MEF2C: variants seen among roughly 807,000 people sequenced by gnomAD.
MEF2C encodes myocyte enhancer factor 2C, also known as myocyte-specific enhancer factor 2C.
In MEF2C, 6 loss-of-function variants were observed where a neutral mutation model predicts 50.5. The observed-to-expected ratio is 0.12, with a 90% confidence interval of 0.07 to 0.23. The LOEUF (loss-of-function observed/expected upper bound fraction) is 0.23. Among genes scored for constraint, MEF2C ranks in the 10% least tolerant of loss-of-function variants. MEF2C has a pLI of 1.00. For synonymous variants in MEF2C, 183 were observed against 228.0 expected (o/e 0.80, Z 1.78); for missense variants, 276 against 605.0 (o/e 0.46, Z 5.70).
intron 1 of MEF2C, among the ~76,000 whole-genome samples, chr5:88,892,801 A>G (rs1007555108): frequency 6.6e-6 from 1 of 152,130 alleles, no homozygotes; most frequent in African/African-American, 2.4e-5. Flanking sequence ...GATGACATTG[A>G]TATCTTCAGT....
At chr5:88,881,255 G>A (rs1832732998) in intron 1 of MEF2C, 1 of 152,114 alleles carries the variant, frequency 6.6e-6, no homozygotes, top group South Asian at 2.1e-4. Context: ...AATAGAATGA[G>A]ATATTTGATT....
intron 3 of MEF2C, among the ~76,000 whole-genome samples, chr5:88,791,357 C>A (rs1793659111): frequency 6.6e-6 from 1 of 151,988 alleles, no homozygotes; most frequent in Admixed American, 6.6e-5. Flanking sequence ...ATAATGATGA[C>A]AAAATGGTAA....
chr5:88,814,637 T>C (rs1052392194), intron 2 of MEF2C, among the ~76,000 whole-genome samples: 3 of 152,074 alleles, frequency 2.0e-5, no homozygotes, highest in Non-Finnish European at 4.4e-5. Flanking sequence ...GTGTGGAATT[T>C]AGAACTCTAC....
At position 88,743,609 on chromosome 5, in the gene MEF2C, T is replaced by C. The variant is rs947132073; in HGVS notation, c.637+5461A>G. 10 of 982,180 alleles carry C rather than the reference T, an allele frequency of 1.0e-5. No individual in the cohort carries two copies. In the African/African-American group the frequency reaches 1.7e-4, roughly 17 times the overall value. 60.8% of individuals were successfully genotyped at this position (982,180 alleles called of 1,614,324 possible). On this transcript the variant is annotated intron_variant, in intron 6 of 10. Transcript: ENST00000504921. ...AATGGATTGTAAAAATATTTGTTTC[T>C]TATCTCCAATCTGAGTAAGTACTAA...
At chr5:88,800,070 C>A (rs1039155222) in intron 3 of MEF2C, among the ~76,000 whole-genome samples, 3 of 152,220 alleles carry the variant, frequency 2.0e-5, no homozygotes, top group African/African-American at 7.2e-5. Context: ...CCCTTCCACA[C>A]TTAATCACTG....
At chr5:88,789,560 CTAAA>C (rs1464176830) in intron 3 of MEF2C, among the ~76,000 whole-genome samples, 8 of 151,964 alleles carry the variant, frequency 5.3e-5, no homozygotes, top group African/African-American at 2.4e-5. Context: ...AACAGTAGCT[CTAAA>C]TAGTTATTCA....
chr5:88,789,719 C>T (rs1008406933), intron 3 of MEF2C, among the ~76,000 whole-genome samples: 1 of 151,954 alleles, frequency 6.6e-6, no homozygotes, highest in Non-Finnish European at 1.5e-5. Context: ...TAACTTCTTC[C>T]AGGTGGTTAA....
rs147386107 is a variant in MEF2C, at chr5:88,772,600, G to A, written c.259-11272C>T. The A allele has an allele frequency of 1.1e-5, 4 of 369,738 alleles. No individual in the cohort carries two copies. The East Asian group carries it at 6.6e-4, about 61-fold the overall frequency. The allele number at this position is 369,738 out of a possible 1,614,324, so 22.9% of individuals were successfully genotyped here. A position where few individuals can be genotyped will look rare whatever the true frequency, so the allele number is the denominator to read the frequency against. ...TTTCTATTCTTCAATTTCTTAAATAGCAGGCAGAGAGATTTTTCAAGGACC... is the reference window on the plus strand; with the variant it reads ...TTTCTATTCTTCAATTTCTTAAATAACAGGCAGAGAGATTTTTCAAGGACC... On this transcript the variant is annotated intron_variant, in intron 3 of 10. Coordinates refer to ENST00000504921, the MANE Select transcript of MEF2C (RefSeq NM_002397.5).
chr5:88,792,716 A>G (rs1367491522), intron 3 of MEF2C, among the ~76,000 whole-genome samples: 1 of 152,174 alleles, frequency 6.6e-6, no homozygotes, highest in Non-Finnish European at 1.5e-5. Context: ...TGAATTGGAC[A>G]TTTTATTTAA....
intron 3 of MEF2C, among the ~76,000 whole-genome samples, chr5:88,788,534 G>A (rs1049697738): frequency 2.6e-5 from 4 of 152,048 alleles, no homozygotes; most frequent in Non-Finnish European, 5.9e-5. Context: ...GAATGAAAGA[G>A]AACACTAGAT....
upstream of MEF2C, among the ~76,000 whole-genome samples, chr5:88,886,859 T>A (rs1834092896): frequency 6.6e-6 from 1 of 152,142 alleles, no homozygotes; most frequent in Non-Finnish European, 1.5e-5. Flanking sequence ...ATATTGCAAT[T>A]TCTGTTCAGA....
intron 1 of MEF2C, among the ~76,000 whole-genome samples, chr5:88,877,606 C>T (rs562393066): frequency 3.3e-5 from 5 of 152,076 alleles, no homozygotes; most frequent in Middle Eastern, 3.4e-3. Flanking sequence ...TCAATGCCAT[C>T]TTCGTATTCT....
chr5:88,808,182 T>C (rs1055409230), intron 2 of MEF2C, among the ~76,000 whole-genome samples: 1 of 152,206 alleles, frequency 6.6e-6, no homozygotes. Flanking sequence ...ATATTTCTTT[T>C]AGATCCAATT....
At chr5:88,743,937 A>G (rs1346413916) in intron 6 of MEF2C, 1 of 916,308 alleles carries the variant, frequency 1.1e-6, no homozygotes, top group Non-Finnish European at 1.3e-6. Context: ...ATATACATAA[A>G]TCTCCTTTGC....
chr5:88,838,392 C>A, intron 1 of MEF2C: 1 of 220,680 alleles, frequency 4.5e-6, no homozygotes, highest in Non-Finnish European at 7.6e-6. Context: ...TTTTTTTCTA[C>A]TTTCTACAAA....
At chr5:88,771,066 G>A (rs940769393) in intron 3 of MEF2C, among the ~76,000 whole-genome samples, 1 of 152,234 alleles carries the variant, frequency 6.6e-6, no homozygotes, top group African/African-American at 2.4e-5. Flanking sequence ...TTGTGCGGGG[G>A]AACCCCCATT....
intron 6 of MEF2C, chr5:88,733,391 T>C (rs41352752): frequency 0.031 from 30,784 of 983,060 alleles, 506 homozygotes; most frequent in Non-Finnish European, 0.035. Flanking sequence ...TAAAAGTCCT[T>C]GGGTTTATAT....
intron 6 of MEF2C, chr5:88,734,509 G>A (rs1763026143): frequency 1.0e-6 from 1 of 980,360 alleles, no homozygotes; most frequent in Non-Finnish European, 1.2e-6. Flanking sequence ...GATATGACAA[G>A]CACTGGGCCA....
At chr5:88,741,711 C>T in intron 6 of MEF2C, 1 of 982,224 alleles carries the variant, frequency 1.0e-6, no homozygotes. Flanking sequence ...ACTTTAAATA[C>T]AACATAATCG....
Sources: allele counts gnomAD v4.1 joint callset (sites outside exome capture counted in the v4.1 genomes callset), GRCh38; gene constraint gnomAD v4.1.1; transcripts MANE v1.5; gene names NCBI Gene and HGNC (gene_info 2026-07-23, HGNC 2026-07-21).